Variants in REEP3 observed in about 807,000 individuals in gnomAD.
REEP3 encodes receptor accessory protein 3.
Under a neutral mutation model 41.3 loss-of-function variants are expected in REEP3, and 20 were observed. The observed-to-expected ratio is 0.48, with a 90% CI of 0.34 to 0.70. The LOEUF is 0.70. REEP3 is among the 30% of genes least tolerant of loss of function. The pLI is 0.01. For synonymous variants in REEP3, 104 were observed against 101.8 expected (o/e 1.02, Z -0.13); for missense variants, 271 against 308.8 (o/e 0.88, Z 0.92).
chr10:63,620,008 C>T (rs1306013340), intron 7 of REEP3, among the ~76,000 whole-genome samples: 2 of 144,476 alleles, frequency 1.4e-5, no homozygotes, highest in Non-Finnish European at 3.0e-5. Flanking sequence ...GGCGTAATCA[C>T]AGTTCACTCA....
intron 2 of REEP3, among the ~76,000 whole-genome samples, chr10:63,594,389 A>T (rs534403890): frequency 6.6e-6 from 1 of 152,136 alleles, no homozygotes; most frequent in Non-Finnish European, 1.5e-5. Context: ...ACAAAAAATA[A>T]AAATAAATAA....
chr10:63,616,001 C>T (rs1956309443), intron 6 of REEP3, among the ~76,000 whole-genome samples: 1 of 152,168 alleles, frequency 6.6e-6, no homozygotes, highest in Admixed American at 6.5e-5. Context: ...ATTCATTTTC[C>T]AAAGCGCAAG....
intron 2 of REEP3, among the ~76,000 whole-genome samples, chr10:63,580,677 A>G (rs1009124875): frequency 6.6e-5 from 10 of 152,236 alleles, no homozygotes; most frequent in Non-Finnish European, 8.8e-5. Flanking sequence ...TTAAGCAAGC[A>G]GTACTAAATT....
intron 1 of REEP3, among the ~76,000 whole-genome samples, chr10:63,565,593 A>G (rs1159430494): frequency 6.6e-6 from 1 of 152,218 alleles, no homozygotes; most frequent in Non-Finnish European, 1.5e-5. Flanking sequence ...AGTGGAGTGA[A>G]GGACCAAGTT....
At chr10:63,571,430 C>T (rs1372469060) in intron 2 of REEP3, among the ~76,000 whole-genome samples, 1 of 152,176 alleles carries the variant, frequency 6.6e-6, no homozygotes, top group Admixed American at 6.5e-5. Flanking sequence ...AGGCTGCCCG[C>T]ATTCCTTGGT....
At position 63,619,812 on chromosome 10, in the gene REEP3, G is replaced by A. The variant is rs544676584; in HGVS notation, c.711+12G>A. 9.4e-6 allele frequency: 15 copies of A among 1,594,344 alleles called. No homozygotes were observed. In the Admixed American group the frequency reaches 2.6e-4, roughly 27 times the overall value. On this transcript the variant is annotated intron_variant, in intron 7 of 7. Transcript: ENST00000373758. ...AAGGCCGCAAAGAGGTTGGTTAAGT[G>A]TAGAGCTGTTTTCCTAATGATTAGT... is the stretch of plus-strand genomic sequence containing the variant.
chr10:63,609,590 A>G (rs1293463641), intron 5 of REEP3, among the ~76,000 whole-genome samples: 1 of 151,878 alleles, frequency 6.6e-6, no homozygotes, highest in Non-Finnish European at 1.5e-5. Context: ...GCGAAACCCC[A>G]TCTCTGTTAA....
chr10:63,593,968 C>A (rs1174245839), intron 2 of REEP3, among the ~76,000 whole-genome samples: 1 of 151,814 alleles, frequency 6.6e-6, no homozygotes, highest in Non-Finnish European at 1.5e-5. Flanking sequence ...AGTAAGAAGC[C>A]CAGGATTGTT....
chr10:63,575,716 AC>A (rs1228240290), intron 2 of REEP3, among the ~76,000 whole-genome samples: 2 of 152,014 alleles, frequency 1.3e-5, no homozygotes, highest in African/African-American at 4.8e-5. Flanking sequence ...TTTTTTGGAC[AC>A]TTTTTTAATT....
chr10:63,619,374 T>A (rs1336310871), intron 6 of REEP3, among the ~76,000 whole-genome samples: 1 of 152,172 alleles, frequency 6.6e-6, no homozygotes, highest in Non-Finnish European at 1.5e-5. Flanking sequence ...AGATGGTGTG[T>A]TACCTACTCA....
At position 63,545,438 on chromosome 10, in the gene REEP3, G is replaced by C. The variant is rs866581085; in HGVS notation, c.33-20900G>C. 3.9e-5 allele frequency among the ~76,000 whole-genome samples: 6 copies of C among 151,966 alleles called. 1 individual carries two copies. In the Middle Eastern group the frequency reaches 0.017, roughly 437 times the overall value. On this transcript the variant is annotated intron_variant, in intron 1 of 7. Transcript: ENST00000373758. ...TTGCCAGGCTGGAGTGCAGTGGTGC[G>C]GTCTCGGCTCACTGCAACCTCCGCC...
rs566731080 is a variant in REEP3, at chr10:63,559,424, T to A, written c.33-6914T>A. On this transcript the variant is annotated intron_variant, in intron 1 of 7. Transcript: ENST00000373758. ...TCTGTTGACTTTTTTCTTATTTTTT[T>A]AAATAGTCCTGAAATGGATATTTTC... Among the ~76,000 whole-genome samples, 6 of 152,320 alleles carry A rather than the reference T, an allele frequency of 3.9e-5. No individual in the cohort carries two copies. The South Asian group carries it at 1.2e-3, about 32-fold the overall frequency.
chr10:63,598,642 G>A (rs1956140991), intron 4 of REEP3, among the ~76,000 whole-genome samples: 1 of 151,882 alleles, frequency 6.6e-6, no homozygotes, highest in African/African-American at 2.4e-5. Context: ...AAATTAGCTG[G>A]GCGTGGTGGC....
chr10:63,609,876 G>C lies in REEP3; in HGVS notation c.418-311G>C, dbSNP rs536517062. Reference sequence around the variant, plus strand: ...AGGAGACATCAACATTATGGATGCTGTTTACTCTGAGGGTAAGCCCATCAT... The same window carrying C: ...AGGAGACATCAACATTATGGATGCTCTTTACTCTGAGGGTAAGCCCATCAT... On this transcript the variant is annotated intron_variant, in intron 5 of 7. Coordinates refer to ENST00000373758, the MANE Select transcript of REEP3 (RefSeq NM_001001330.3). Among the ~76,000 whole-genome samples, 22 of 152,282 alleles carry C rather than the reference G, an allele frequency of 1.4e-4. No individual in the cohort carries two copies. The South Asian group carries it at 3.7e-3, about 26-fold the overall frequency.
chr10:63,589,762 A>G (rs971185769), intron 2 of REEP3, among the ~76,000 whole-genome samples: 1 of 148,160 alleles, frequency 6.7e-6, no homozygotes, highest in Non-Finnish European at 1.5e-5. Flanking sequence ...AGGACGTCTA[A>G]TGTACTAAGA....
chr10:63,594,229 C>CAAA (rs66606088), intron 2 of REEP3, among the ~76,000 whole-genome samples: 19 of 146,658 alleles, frequency 1.3e-4, no homozygotes, highest in South Asian at 4.3e-4. Context: ...AAAAAAAAAC[C>CAAA]AAAAAAAATT....
At position 63,621,990 on chromosome 10, in the gene REEP3, A is replaced by T. The variant is rs988884755; in HGVS notation, c.*1121A>T. On this transcript the variant is annotated 3_prime_UTR_variant, in exon 8 of 8. Coordinates refer to ENST00000373758, the MANE Select transcript of REEP3 (RefSeq NM_001001330.3). Reference sequence around the variant, plus strand: ...TTAATCCTGCACATTAGAAATTATTAGAAACATATTACTTTTTAACTTTAA... The same window carrying T: ...TTAATCCTGCACATTAGAAATTATTTGAAACATATTACTTTTTAACTTTAA... 6.6e-6 allele frequency: 1 copy of T among 152,244 alleles called. No individual in the cohort carries two copies. The highest frequency in any genetic ancestry group is 2.4e-5 in the African/African-American group (1 of 41,464). 9.4% of individuals were successfully genotyped at this position (152,244 alleles called of 1,614,324 possible).
Position 63,565,279 on chromosome 10 carries a change from A to T in REEP3, c.33-1059A>T, listed in dbSNP as rs954858180. The stretch of plus-strand genomic sequence containing the variant: ...CATGTCAATCAATTGGTCAATCAAT[A>T]AATAAAAATACTGTAGGATAACATT... On this transcript the variant is annotated intron_variant, in intron 1 of 7. Transcript: ENST00000373758. 5.9e-5 allele frequency among the ~76,000 whole-genome samples: 9 copies of T among 152,312 alleles called. No individual in the cohort carries two copies. The East Asian group carries it at 1.7e-3, about 29-fold the overall frequency.
At chr10:63,540,144 G>A (rs955291949) in intron 1 of REEP3, among the ~76,000 whole-genome samples, 9 of 152,118 alleles carry the variant, frequency 5.9e-5, no homozygotes, top group Non-Finnish European at 1.5e-5. Context: ...AACTTGATTG[G>A]TCTTTTAAGA....
Sources: gnomAD v4.1 joint callset for allele counts (sites outside exome capture counted in the v4.1 genomes callset) on GRCh38, gnomAD v4.1.1 for gene constraint, MANE v1.5 for transcripts, NCBI Gene and HGNC (gene_info 2026-07-23, HGNC 2026-07-21) for gene names.